OTOA: variants seen among roughly 807,000 people sequenced by gnomAD.
OTOA encodes the protein cancer/testis antigen 108.
OTOA carries 70 observed loss-of-function variants against 110.8 expected under a neutral mutation model. That is an observed-to-expected ratio of 0.63 (90% CI 0.52 to 0.77). The LOEUF (loss-of-function observed/expected upper bound fraction) is 0.77, where lower values mean the gene tolerates loss of function less well. OTOA is among the 30% of genes least tolerant of loss of function. The pLI is 0.00. For missense variants in OTOA, 917 were observed against 1,075.8 expected (o/e 0.85, Z 2.06); for synonymous variants, 373 against 431.5 (o/e 0.86, Z 1.68).
Position 21,729,416 on chromosome 16 carries a change from G to A in OTOA, c.2207+985G>A, listed in dbSNP as rs550946894. 6.6e-5 allele frequency among the ~76,000 whole-genome samples: 10 copies of A among 152,060 alleles called. No individual in the cohort carries two copies. In the East Asian group the frequency reaches 9.7e-4, roughly 15 times the overall value. On this transcript the variant is annotated intron_variant, in intron 20 of 28. Coordinates refer to ENST00000646100, the MANE Select transcript of OTOA (RefSeq NM_144672.4). ...AGATTTCCCATATCTCTCTGACCCC[G>A]TACACGCATAAGCTCCCCATGATCA...
At chr16:21,733,410 C>G (rs458804) in intron 21 of OTOA, among the ~76,000 whole-genome samples, 12,723 of 149,982 alleles carry the variant, frequency 0.085, 588 homozygotes, top group Middle Eastern at 0.18. Flanking sequence ...CCGACTGAGT[C>G]AGAATCTTTA....
intron 20 of OTOA, 79 bp downstream of exon 20, chr16:21,728,510 GCAAA>G (rs1468515166): frequency 6.0e-6 from 9 of 1,488,256 alleles, no homozygotes; most frequent in Non-Finnish European, 6.4e-6. Context: ...CTCCTGCCCT[GCAAA>G]CAGAGTCTCT....
chr16:21,664,532 A>G (rs1966827505), intron 1 of OTOA, among the ~76,000 whole-genome samples: 2 of 152,186 alleles, frequency 1.3e-5, no homozygotes, highest in Non-Finnish European at 2.9e-5. Flanking sequence ...ATTATTTGTT[A>G]TAATAATATA....
At chr16:21,698,016 T>C (rs1323072136) in intron 10 of OTOA, 141 bp downstream of exon 10, 1 of 721,232 alleles carries the variant, frequency 1.4e-6, no homozygotes, top group Non-Finnish European at 2.4e-6. Flanking sequence ...ACCTTGGGCC[T>C]CTGAAGAAAA....
rs529389388 is a variant in OTOA, at chr16:21,697,693, A to G, written c.740-82A>G. 6.5e-6 allele frequency: 8 copies of G among 1,238,530 alleles called. No individual in the cohort carries two copies. The African/African-American group carries it at 1.0e-4, about 16-fold the overall frequency. 76.7% of individuals were successfully genotyped at this position (1,238,530 alleles called of 1,614,324 possible). On this transcript the variant is annotated intron_variant, in intron 9 of 28. Transcript: ENST00000646100. ...TGCAAGAAGTAGGTCTTGACAGCAA[A>G]GATGCTGTTGACTATCACATACCAG...
Position 21,707,655 on chromosome 16 carries a change from T to TTCTTTCTC in OTOA, c.1105-2230_1105-2229insTTCTCTCT, listed in dbSNP as rs1391942283. Among the ~76,000 whole-genome samples the TTCTTTCTC allele has an allele frequency of 2.2e-4, 22 of 100,428 alleles. No individual in the cohort carries two copies. In the South Asian group the frequency reaches 2.3e-3, roughly 10 times the overall value. The allele number at this position is 100,428 out of a possible 152,430, so 65.9% of individuals were successfully genotyped here. ...TTTCTTTCTTTCTTTCTTTCTTTCT[T>TTCTTTCTC]TCTCTTTCTTTCTCTTTCTGTCTCT... On this transcript the variant is annotated intron_variant, in intron 12 of 28. Coordinates refer to ENST00000646100, the MANE Select transcript of OTOA (RefSeq NM_144672.4).
In OTOA at chr16:21,697,388, T is replaced by C. The variant is rs543840640; in HGVS notation, c.740-387T>C. Among the ~76,000 whole-genome samples the C allele has an allele frequency of 2.0e-5, 3 of 152,046 alleles. No homozygotes were observed. In the East Asian group the frequency reaches 5.9e-4, roughly 30 times the overall value. ...GGCTCATGCCTGTAATCCCAGCACT[T>C]GGGGAGGCAAGAGGCGGGCAGATCA... On this transcript the variant is annotated intron_variant, in intron 9 of 28. Coordinates refer to ENST00000646100, the MANE Select transcript of OTOA (RefSeq NM_144672.4).
At chr16:21,717,523 C>T (rs1192290758) in intron 15 of OTOA, among the ~76,000 whole-genome samples, 2 of 152,120 alleles carry the variant, frequency 1.3e-5, no homozygotes, top group African/African-American at 2.4e-5. Flanking sequence ...CTTATATGGC[C>T]TCAGTTTTCT....
intron 6 of OTOA, 25 bp downstream of exon 6, chr16:21,681,850 T>A (rs1213769670): frequency 6.3e-7 from 1 of 1,596,078 alleles, no homozygotes; most frequent in Non-Finnish European, 8.6e-7. Context: ...CCCATCTATA[T>A]GTTCCCATCT....
intron 27 of OTOA, among the ~76,000 whole-genome samples, chr16:21,756,854 C>G (rs1164155169): frequency 6.8e-6 from 1 of 147,736 alleles, no homozygotes; most frequent in Admixed American, 6.9e-5. Flanking sequence ...TATGGCAAGT[C>G]TGCCGGCTTT....
chr16:21,711,782 G>A (rs899664385), intron 13 of OTOA, among the ~76,000 whole-genome samples: 2 of 152,022 alleles, frequency 1.3e-5, no homozygotes, highest in Admixed American at 6.6e-5. Context: ...TGTCCTTCTC[G>A]TTTAGTCCAC....
chr16:21,672,329 A>T (rs1208631088), intron 1 of OTOA, among the ~76,000 whole-genome samples: 1 of 152,114 alleles, frequency 6.6e-6, no homozygotes, highest in East Asian at 1.9e-4. Context: ...TTATTTAAAA[A>T]ATTGACATAT....
intron 1 of OTOA, among the ~76,000 whole-genome samples, chr16:21,665,943 G>C (rs906906996): frequency 6.6e-6 from 1 of 151,888 alleles, no homozygotes; most frequent in Non-Finnish European, 1.5e-5. Flanking sequence ...CAATTCTCCT[G>C]CCTCAACCTC....
At chr16:21,707,640 T>TCTTTCTTTCTTC (rs1898220224) in intron 12 of OTOA, among the ~76,000 whole-genome samples, 2 of 119,474 alleles carry the variant, frequency 1.7e-5, no homozygotes, top group African/African-American at 5.4e-5. Flanking sequence ...TTTCTTTCTT[T>TCTTTCTTTCTTC]CTTTCTTTCT....
rs931756316 is a variant in OTOA at position 21,732,672 on chromosome 16, T to TA, written c.2301+1751dup. Among the ~76,000 whole-genome samples the TA allele has an allele frequency of 7.7e-4, 116 of 151,366 alleles. 1 individual carries two copies. Among genetic ancestry groups the TA allele is most frequent in the African/African-American group, 2.4e-3 (98 of 41,278 alleles). ...AAATCTCAAAAACACAGTGTAGAGT[T>TA]AAAAAAAAACCCAGATTGCAAAAGA... On this transcript the variant is annotated intron_variant, in intron 21 of 28. Coordinates refer to ENST00000646100, the MANE Select transcript of OTOA (RefSeq NM_144672.4).
chr16:21,670,296 C>T (rs1467681504), intron 1 of OTOA, among the ~76,000 whole-genome samples: 4 of 152,014 alleles, frequency 2.6e-5, no homozygotes, highest in Admixed American at 2.0e-4. Flanking sequence ...CTGTTATATC[C>T]TCTTCGTGCA....
chr16:21,687,449 C>G lies in OTOA; in HGVS notation c.436C>G (p.Arg146Gly), dbSNP rs561680253. The change falls in exon 8 of 29, where the codon CGA becomes GGA. Residue 146 changes from arginine to glycine, a missense_variant. Around this residue, in one of 6 missense-constraint regions of OTOA, gnomAD observed 840 missense variants for 910.2 expected, o/e 0.92. Coordinates refer to ENST00000646100, the MANE Select transcript of OTOA (RefSeq NM_144672.4). ...KDIIIDLGEI[R>G]ERALQSPGVN... ...CATCATCATCGACTTAGGAGAGATTCGAGAACGAGCCTTGCAGAGCCCTGG... is the reference window on the plus strand; with the variant it reads ...CATCATCATCGACTTAGGAGAGATTGGAGAACGAGCCTTGCAGAGCCCTGG... 1.2e-6 allele frequency: 2 copies of G among 1,613,870 alleles called. No homozygotes were observed. The highest frequency in any genetic ancestry group is 1.7e-6 in the Non-Finnish European group (2 of 1,179,996).
intron 6 of OTOA, chr16:21,684,686 A>G: frequency 2.1e-6 from 1 of 476,800 alleles, no homozygotes; most frequent in South Asian, 4.9e-5. Context: ...CTTTTTCAAG[A>G]GAAGTTGGAA....
chr16:21,749,900 G>A (rs1899772789), intron 24 of OTOA, among the ~76,000 whole-genome samples: 1 of 144,682 alleles, frequency 6.9e-6, no homozygotes, highest in African/African-American at 2.5e-5. Context: ...AGCCAGGCTG[G>A]TCTCAAACTC....
Sources: gnomAD v4.1 joint callset for allele counts (sites outside exome capture counted in the v4.1 genomes callset) on GRCh38, gnomAD v4.1.1 for gene constraint, gnomAD v4.1.1 regional missense constraint, MANE v1.5 for transcripts, NCBI Gene and HGNC (gene_info 2026-07-23, HGNC 2026-07-21) for gene names.